The following MPP7 variants were observed in gnomAD, a reference collection of about 807,000 sequenced individuals.
The protein encoded by MPP7 is MAGUK p55 subfamily member 7.
MPP7 carries 60 observed loss-of-function variants against 76.5 expected under a neutral mutation model. That is an observed-to-expected ratio of 0.78 (90% CI 0.64 to 0.97). The LOEUF is 0.97. MPP7 is among the 50% of genes least tolerant of loss of function. MPP7 has a pLI of 0.00. For missense variants in MPP7, 641 were observed against 694.0 expected, an observed-to-expected ratio of 0.92 and a Z score of 0.86; for synonymous variants, 237 against 244.5, an observed-to-expected ratio of 0.97 and a Z score of 0.29.
Position 28,128,587 on chromosome 10 carries a change from G to A in MPP7, c.447+2973C>T, listed in dbSNP as rs73606076. On this transcript the variant is annotated intron_variant, in intron 6 of 16. Transcript: ENST00000683449. ...TTTCCCAACAGATTGCCTATGGAAT[G>A]CAAAAGAAAGAGAGGGATTAAAGAT... Among the ~76,000 whole-genome samples, 1,197 of 152,236 alleles carry A rather than the reference G, an allele frequency of 7.9e-3. 15 individuals are homozygous for A. The highest frequency in any genetic ancestry group is 0.027 in the African/African-American group (1,141 of 41,528).
chr10:28,179,422 C>T (rs1177147500), intron 3 of MPP7, among the ~76,000 whole-genome samples: 1 of 152,118 alleles, frequency 6.6e-6, no homozygotes, highest in African/African-American at 2.4e-5. Flanking sequence ...ACCATTGCAT[C>T]CCCATCATCT....
chr10:28,082,500 C>G (rs1319101600), intron 12 of MPP7, among the ~76,000 whole-genome samples: 1 of 151,898 alleles, frequency 6.6e-6, no homozygotes, highest in African/African-American at 2.4e-5. Flanking sequence ...TGTTGCCCAG[C>G]CCAGAATGTG....
chr10:28,288,417 T>G (rs945282373), intron 1 of MPP7, among the ~76,000 whole-genome samples: 2 of 152,044 alleles, frequency 1.3e-5, no homozygotes, highest in African/African-American at 4.8e-5. Context: ...TTTTTTAAAT[T>G]TTTTGTAGAG....
intron 3 of MPP7, among the ~76,000 whole-genome samples, chr10:28,181,530 T>C (rs370226752): frequency 1.4e-5 from 1 of 71,748 alleles, no homozygotes; most frequent in Non-Finnish European, 4.4e-5. Context: ...TCCAATGAGA[T>C]GTGAGCATCT....
intron 3 of MPP7, among the ~76,000 whole-genome samples, chr10:28,188,088 AT>A (rs1837294162): frequency 6.6e-6 from 1 of 152,132 alleles, no homozygotes; most frequent in Non-Finnish European, 1.5e-5. Context: ...GATTAAGAAG[AT>A]TTTTCCCTTT....
At chr10:28,128,259 A>G (rs934597618) in intron 6 of MPP7, among the ~76,000 whole-genome samples, 6 of 152,302 alleles carry the variant, frequency 3.9e-5, no homozygotes, top group Middle Eastern at 6.8e-3. Flanking sequence ...AAATGCTTAG[A>G]CCAGAAGTGT....
chr10:28,075,292 G>A (rs1303053691), intron 12 of MPP7, among the ~76,000 whole-genome samples: 2 of 151,798 alleles, frequency 1.3e-5, no homozygotes, highest in South Asian at 4.2e-4. Flanking sequence ...ACCCTATCAC[G>A]TGCCAAGGAA....
chr10:28,202,111 A>G (rs767321510), intron 3 of MPP7, 42 bp downstream of exon 3: 1 of 1,393,340 alleles, frequency 7.2e-7, no homozygotes, highest in Non-Finnish European at 1.0e-6. Context: ...ATATTTTTCC[A>G]TATGCTTTTC....
At chr10:28,182,152 C>T (rs994209088) in intron 3 of MPP7, among the ~76,000 whole-genome samples, 17 of 149,382 alleles carry the variant, frequency 1.1e-4, no homozygotes, top group African/African-American at 3.5e-4. Context: ...ATAATTCCTA[C>T]GAATCAACTA....
intron 12 of MPP7, among the ~76,000 whole-genome samples, chr10:28,074,722 C>T (rs539929478): frequency 5.9e-5 from 9 of 152,306 alleles, no homozygotes; most frequent in Non-Finnish European, 1.2e-4. Context: ...CTGATAAAGC[C>T]TCTCTTACCT....
chr10:28,317,351 G>T (rs1834333821), intron 2 of MPP7, among the ~76,000 whole-genome samples: 1 of 152,138 alleles, frequency 6.6e-6, no homozygotes, highest in East Asian at 1.9e-4. Flanking sequence ...AACATAGGGA[G>T]AGCCCATCTT....
At chr10:28,239,569 C>A (rs1588968609) in intron 1 of MPP7, among the ~76,000 whole-genome samples, 1 of 152,170 alleles carries the variant, frequency 6.6e-6, no homozygotes, top group Non-Finnish European at 1.5e-5. Context: ...TATAGATTTA[C>A]AGAAGTGTTA....
chr10:28,264,103 C>T (rs898636114), intron 1 of MPP7, among the ~76,000 whole-genome samples: 59 of 152,094 alleles, frequency 3.9e-4, no homozygotes, highest in East Asian at 1.7e-3. Context: ...TGGAGACCAG[C>T]CTGGACAACA....
intron 1 of MPP7, among the ~76,000 whole-genome samples, chr10:28,270,472 G>A (rs1840285550): frequency 7.0e-6 from 1 of 143,300 alleles, no homozygotes; most frequent in Non-Finnish European, 1.5e-5. Context: ...GATCACTTGA[G>A]CGCAGGAATT....
chr10:28,073,598 T>C (rs1459856539), intron 12 of MPP7, among the ~76,000 whole-genome samples: 2 of 152,010 alleles, frequency 1.3e-5, no homozygotes, highest in African/African-American at 4.8e-5. Context: ...GTCAAAACCC[T>C]GTCTCTATTA....
At chr10:28,316,296 G>A in intron 2 of MPP7, among the ~76,000 whole-genome samples, 1 of 151,614 alleles carries the variant, frequency 6.6e-6, no homozygotes, top group East Asian at 1.9e-4. Flanking sequence ...AATTAGCCGG[G>A]CATGGTGGCA....
intron 1 of MPP7, among the ~76,000 whole-genome samples, chr10:28,332,243 A>ATGTGTGTGTGTG (rs775712498): frequency 0.062 from 6,362 of 101,984 alleles, 186 homozygotes; most frequent in Middle Eastern, 0.1. Context: ...TGTCAAATGT[A>ATGTGTGTGTGTG]TGCGTGTGTG....
intron 2 of MPP7, among the ~76,000 whole-genome samples, chr10:28,202,542 T>C (rs572789170): frequency 6.6e-6 from 1 of 152,290 alleles, no homozygotes; most frequent in South Asian, 2.1e-4. Flanking sequence ...ACAGAAAATG[T>C]GTACAGGTTT....
chr10:28,131,222 T>C (rs939726857), intron 6 of MPP7, among the ~76,000 whole-genome samples: 2 of 152,224 alleles, frequency 1.3e-5, no homozygotes, highest in Non-Finnish European at 2.9e-5. Context: ...GAATTAAGTA[T>C]ATAAAATAAC....
Sources: gnomAD v4.1 joint callset for allele counts (sites outside exome capture counted in the v4.1 genomes callset) on GRCh38, gnomAD v4.1.1 for gene constraint, MANE v1.5 for transcripts, NCBI Gene and HGNC (gene_info 2026-07-23, HGNC 2026-07-21) for gene names.